CD200: variants seen among roughly 807,000 people sequenced by gnomAD.
CD200 encodes OX-2 membrane glycoprotein.
Under a neutral mutation model 30.9 loss-of-function variants are expected in CD200, and 15 were observed. That is an observed-to-expected ratio of 0.49 (90% CI 0.32 to 0.75). The LOEUF (loss-of-function observed/expected upper bound fraction) is 0.75. Among genes scored for constraint, CD200 ranks in the 30% least tolerant of loss-of-function variants. The probability of loss-of-function intolerance (pLI) is 0.03; values close to 1 mark genes in which losing one functional copy is unlikely to be tolerated. For synonymous variants in CD200, 134 were observed against 126.2 expected, an observed-to-expected ratio of 1.06 and a Z score of -0.41; for missense variants, 262 against 324.2, an observed-to-expected ratio of 0.81 and a Z score of 1.47.
chr3:112,361,070 A>G (rs2108479473), intron 5 of CD200, among the ~76,000 whole-genome samples: 1 of 151,916 alleles, frequency 6.6e-6, no homozygotes, highest in South Asian at 2.1e-4. Context: ...GTGTCTTGCT[A>G]TATTGCCTGG....
At chr3:112,344,364 G>T (rs548287351) in intron 2 of CD200, among the ~76,000 whole-genome samples, 29 of 152,110 alleles carry the variant, frequency 1.9e-4, no homozygotes, top group Non-Finnish European at 4.3e-4. Flanking sequence ...GAAAGCAGAG[G>T]GTGTGTAAAT....
chr3:112,334,952 AT>A (rs1177080804), intron 1 of CD200, among the ~76,000 whole-genome samples: 1 of 152,168 alleles, frequency 6.6e-6, no homozygotes, highest in Non-Finnish European at 1.5e-5. Context: ...TGCATTCTTC[AT>A]CATGGCCTCT....
intron 5 of CD200, among the ~76,000 whole-genome samples, chr3:112,357,745 G>A (rs1258190456): frequency 6.6e-6 from 1 of 152,066 alleles, no homozygotes; most frequent in Non-Finnish European, 1.5e-5. Context: ...ATAGGTTCTT[G>A]GAAACTGCGA....
intron 2 of CD200, among the ~76,000 whole-genome samples, chr3:112,341,499 C>T (rs1436402026): frequency 6.6e-6 from 1 of 152,190 alleles, no homozygotes; most frequent in African/African-American, 2.4e-5. Context: ...CTCCTCAGTT[C>T]CTTGGGAGGC....
At chr3:112,352,885 T>C (rs571359478) in intron 5 of CD200, among the ~76,000 whole-genome samples, 8 of 152,296 alleles carry the variant, frequency 5.3e-5, no homozygotes, top group African/African-American at 1.9e-4. Context: ...GAGCATGACG[T>C]TGGTTTTTTC....
intron 5 of CD200, among the ~76,000 whole-genome samples, chr3:112,357,275 G>GAA (rs1229854016): frequency 2.2e-5 from 3 of 136,686 alleles, no homozygotes; most frequent in African/African-American, 8.2e-5. Flanking sequence ...AAAAAAAAAA[G>GAA]AAAGAAAGAA....
intron 1 of CD200, among the ~76,000 whole-genome samples, chr3:112,335,244 C>G (rs1248276500): frequency 6.6e-6 from 1 of 151,984 alleles, no homozygotes. Flanking sequence ...GTATAATACC[C>G]AGCAGTGGAT....
chr3:112,334,674 C>A (rs1248898521), intron 1 of CD200, among the ~76,000 whole-genome samples: 4 of 152,008 alleles, frequency 2.6e-5, no homozygotes, highest in African/African-American at 9.7e-5. Context: ...TAGCCCCGGT[C>A]ACCTCCCTGT....
intron 5 of CD200, among the ~76,000 whole-genome samples, chr3:112,350,225 TTC>T (rs2108459694): frequency 6.6e-6 from 1 of 152,324 alleles, no homozygotes; most frequent in African/African-American, 2.4e-5. Flanking sequence ...AAGTAGCACT[TTC>T]TGTGTTATAC....
intron 1 of CD200, among the ~76,000 whole-genome samples, chr3:112,337,160 G>A (rs769571796): frequency 2.0e-5 from 3 of 152,124 alleles, no homozygotes; most frequent in African/African-American, 7.2e-5. Context: ...AAAGCAGATG[G>A]GTGTGTTCAG....
intron 1 of CD200, among the ~76,000 whole-genome samples, chr3:112,340,447 C>T (rs1354323005): frequency 6.6e-6 from 1 of 152,168 alleles, no homozygotes. Context: ...TCAACCTCAA[C>T]AAAATTCAAG....
chr3:112,341,404 G>A (rs1169333501), intron 2 of CD200, among the ~76,000 whole-genome samples: 1 of 152,178 alleles, frequency 6.6e-6, no homozygotes, highest in Non-Finnish European at 1.5e-5. Context: ...ACAACGAAAT[G>A]TAGAAGTTAT....
chr3:112,351,656 G>A (rs1183078318), intron 5 of CD200, among the ~76,000 whole-genome samples: 2 of 152,146 alleles, frequency 1.3e-5, no homozygotes, highest in East Asian at 3.8e-4. Flanking sequence ...ATGACATATG[G>A]CCAATTGCAT....
intron 5 of CD200, among the ~76,000 whole-genome samples, chr3:112,356,841 T>C (rs1044602120): frequency 1.3e-5 from 2 of 152,248 alleles, no homozygotes; most frequent in Non-Finnish European, 2.9e-5. Context: ...GCTGAGTACC[T>C]TTGGACAAGC....
intron 4 of CD200, among the ~76,000 whole-genome samples, chr3:112,349,479 G>A (rs1224380240): frequency 6.6e-6 from 1 of 152,020 alleles, no homozygotes; most frequent in Non-Finnish European, 1.5e-5. Flanking sequence ...ATAACTCTTG[G>A]GATGTTTTGA....
In CD200 at chr3:112,345,147, A is replaced by G. The variant is rs372265161; in HGVS notation, c.280A>G (p.Ile94Val). 1.9e-6 allele frequency: 3 copies of G among 1,614,122 alleles called. No homozygotes were observed. The highest frequency in any genetic ancestry group is 1.7e-6 in the Non-Finnish European group (2 of 1,179,992). The change falls in exon 3 of 6, where the codon ATA becomes GTA. Residue 94 changes from isoleucine (I) to valine (V), a missense_variant. Coordinates refer to ENST00000315711, the MANE Select transcript of CD200 (RefSeq NM_005944.7). Reference sequence around the variant, plus strand: ...GATCCAGCCTGCCTATAAGGACAAGATAAACATTACCCAGCTGGGACTCCA... The same window carrying G: ...GATCCAGCCTGCCTATAAGGACAAGGTAAACATTACCCAGCTGGGACTCCA... ...VVIQPAYKDK[I>V]NITQLGLQNS...
Position 112,361,728 on chromosome 3 carries a change from C to T in CD200, c.*178C>T, listed in dbSNP as rs2081745766. On this transcript the variant is annotated 3_prime_UTR_variant, in exon 6 of 6. Coordinates refer to ENST00000315711, the MANE Select transcript of CD200 (RefSeq NM_005944.7). ...CATCTGAGCTACTCAGTGTTTGAAT[C>T]CCAAGAGGAAGTCAGTTTACCTCTC... 3.0e-6 allele frequency: 2 copies of T among 672,428 alleles called. No homozygotes were observed. Among genetic ancestry groups the T allele is most frequent in the East Asian group, 5.2e-5 (2 of 38,470 alleles). The allele number at this position is 672,428 out of a possible 1,614,324, so 41.7% of individuals were successfully genotyped here.
intron 5 of CD200, among the ~76,000 whole-genome samples, chr3:112,361,013 T>C (rs2081730315): frequency 6.6e-6 from 1 of 152,014 alleles, no homozygotes; most frequent in African/African-American, 2.4e-5. Context: ...TTTGCTTCAG[T>C]TTTGTTTTTG....
chr3:112,338,057 C>T (rs1437212192), intron 1 of CD200, among the ~76,000 whole-genome samples: 3 of 152,122 alleles, frequency 2.0e-5, no homozygotes, highest in African/African-American at 4.8e-5. Context: ...TTATCTGAAT[C>T]CACGGATACA....
Sources: gnomAD v4.1 joint callset for allele counts (sites outside exome capture counted in the v4.1 genomes callset) on GRCh38, gnomAD v4.1.1 for gene constraint, MANE v1.5 for transcripts, NCBI Gene and HGNC (gene_info 2026-07-23, HGNC 2026-07-21) for gene names.